The following DSE variants were observed in gnomAD, a reference collection of about 807,000 sequenced individuals.
The protein encoded by DSE is dermatan-sulfate epimerase.
A neutral mutation model predicts 84.4 loss-of-function variants in DSE; 36 were observed. That is an observed-to-expected ratio of 0.43 (90% CI 0.33 to 0.56). The LOEUF (loss-of-function observed/expected upper bound fraction) is 0.56, where lower values mean the gene tolerates loss of function less well. Ranked by LOEUF, DSE falls within the 20% of genes least tolerant of loss-of-function variation. The pLI is 0.06. For missense variants in DSE, 862 were observed against 1,169.6 expected (o/e 0.74, Z 3.84); for synonymous variants, 410 against 430.1 (o/e 0.95, Z 0.58).
chr6:116,352,564 C>T (rs965432410), intron 2 of DSE, among the ~76,000 whole-genome samples: 1 of 152,062 alleles, frequency 6.6e-6, no homozygotes, highest in African/African-American at 2.4e-5. Flanking sequence ...CTGGGTGAGG[C>T]AGAGGTCAGT....
At position 116,440,056 on chromosome 6, in the gene DSE, A is replaced by G. The variant is rs1784379729; in HGVS notation, c.*2711A>G. Reference sequence around the variant, plus strand: ...GAGACCCAGAATTTTCAGAGAGAACATTCTTTTGACAACATTGTTTTAATC... The same window carrying G: ...GAGACCCAGAATTTTCAGAGAGAACGTTCTTTTGACAACATTGTTTTAATC... On this transcript the variant is annotated 3_prime_UTR_variant, in exon 6 of 6. Transcript: ENST00000644252. 1 of 152,038 alleles carries G rather than the reference A, an allele frequency of 6.6e-6. No individual in the cohort carries two copies. Among genetic ancestry groups the G allele is most frequent in the Non-Finnish European group, 1.5e-5 (1 of 68,014 alleles). The allele number at this position is 152,038 out of a possible 1,614,324, so 9.4% of individuals were successfully genotyped here.
chr6:116,355,660 C>T (rs941638965), intron 2 of DSE: 1 of 152,170 alleles, frequency 6.6e-6, no homozygotes, highest in Admixed American at 6.5e-5. Flanking sequence ...CTCAACTAAT[C>T]TGTTAATACT....
intron 2 of DSE, among the ~76,000 whole-genome samples, chr6:116,302,769 T>G (rs1044532540): frequency 2.6e-5 from 4 of 152,192 alleles, no homozygotes; most frequent in Non-Finnish European, 5.9e-5. Context: ...TTTTTTATGG[T>G]TTTAGGTATT....
chr6:116,280,667 G>A (rs954366534), intron 2 of DSE, among the ~76,000 whole-genome samples: 1 of 152,190 alleles, frequency 6.6e-6, no homozygotes, highest in Admixed American at 6.5e-5. Context: ...TTAGCAATCA[G>A]CTGAGTTCAT....
In DSE at chr6:116,439,458, G is replaced by A. The variant is rs1784356646; in HGVS notation, c.*2113G>A. The A allele has an allele frequency of 6.7e-6, 1 of 148,538 alleles. No homozygotes were observed. 9.2% of individuals were successfully genotyped at this position (148,538 alleles called of 1,614,324 possible). On this transcript the variant is annotated 3_prime_UTR_variant, in exon 6 of 6. Transcript: ENST00000644252. ...TTTTTTTTTTCTTCTAATGAACCTG[G>A]TATTTATTTCCTTAAAAAGAAACTT...
Position 116,437,174 on chromosome 6 carries a change from G to C in DSE, c.2706G>C (p.Arg902Ser). The stretch of plus-strand genomic sequence containing the variant: ...CATCACTGTCTGCTTCCTATACCAG[G>C]TTGTTCCTGATTCTGAACATTGCTA... ...RAPSLSASYT[R>S]LFLILNIAIF... is the part of the protein sequence containing the mutation. The change falls in exon 6 of 6, where the codon AGG (arginine) becomes AGC (serine). Residue 902 changes from arginine (R) to serine (S), a missense_variant. By Grantham distance (110) the Arg-to-Ser change is moderately radical. This residue lies in a region of DSE where 315 missense variants were observed against 348.1 expected (regional missense o/e 0.90). Coordinates refer to ENST00000644252, the MANE Select transcript of DSE (RefSeq NM_013352.4). 1 of 1,614,148 alleles carries C rather than the reference G, an allele frequency of 6.2e-7. No individual in the cohort carries two copies. Among genetic ancestry groups the C allele is most frequent in the East Asian group, 2.2e-5 (1 of 44,888 alleles).
chr6:116,278,516 G>T (rs73767711), intron 2 of DSE: 1 of 1,614,002 alleles, frequency 6.2e-7, no homozygotes, highest in East Asian at 2.2e-5. Flanking sequence ...AAGGGCAAAT[G>T]TTAACCAGAC....
intron 2 of DSE, among the ~76,000 whole-genome samples, chr6:116,334,137 G>A (rs1474791191): frequency 1.3e-5 from 2 of 152,058 alleles, no homozygotes; most frequent in African/African-American, 2.4e-5. Flanking sequence ...TATTCTTGAG[G>A]ACAAGTTCTT....
At chr6:116,281,827 G>T (rs1773562191) in intron 2 of DSE, among the ~76,000 whole-genome samples, 1 of 152,198 alleles carries the variant, frequency 6.6e-6, no homozygotes, top group East Asian at 1.9e-4. Flanking sequence ...GGGCATATGG[G>T]TTGTCACTCT....
intron 1 of DSE, among the ~76,000 whole-genome samples, chr6:116,384,485 C>A (rs968637594): frequency 1.3e-5 from 2 of 152,124 alleles, no homozygotes; most frequent in African/African-American, 4.8e-5. Flanking sequence ...TTAGTGGGAG[C>A]TTTGTGCCTT....
chr6:116,294,968 G>A lies in DSE; in HGVS notation c.-54+36001G>A, dbSNP rs553735298. 5.3e-4 allele frequency among the ~76,000 whole-genome samples: 81 copies of A among 152,288 alleles called. 1 individual carries two copies. The highest frequency in any genetic ancestry group is 6.8e-3 in the Middle Eastern group (2 of 294). ...ACTTCCTATAGTAAGTATGATAAGT[G>A]ATGAGGATTTAACGATAAAAGACAC... On this transcript the variant is annotated intron_variant, in intron 2 of 3. Transcript: ENST00000430252.
chr6:116,420,743 TAGAC>T (rs1411324069), intron 2 of DSE, among the ~76,000 whole-genome samples: 3 of 152,236 alleles, frequency 2.0e-5, no homozygotes, highest in African/African-American at 7.2e-5. Flanking sequence ...TTATTTTCTA[TAGAC>T]TGTCTATATC....
At chr6:116,421,048 T>C (rs915275190) in intron 2 of DSE, among the ~76,000 whole-genome samples, 1 of 152,220 alleles carries the variant, frequency 6.6e-6, no homozygotes, top group Non-Finnish European at 1.5e-5. Context: ...TTATGGCTCA[T>C]TCTTCCTTTC....
chr6:116,381,924 G>C (rs1298139458), intron 1 of DSE, among the ~76,000 whole-genome samples: 1 of 152,066 alleles, frequency 6.6e-6, no homozygotes, highest in African/African-American at 2.4e-5. Flanking sequence ...AGGCTATGAA[G>C]GAGAACCTGT....
intron 2 of DSE, among the ~76,000 whole-genome samples, chr6:116,274,922 C>T (rs1450196079): frequency 1.3e-5 from 2 of 152,220 alleles, no homozygotes; most frequent in Non-Finnish European, 2.9e-5. Flanking sequence ...CTCAGGAAGT[C>T]GAGACATGCT....
intron 2 of DSE, among the ~76,000 whole-genome samples, chr6:116,337,372 G>A (rs909727381): frequency 6.6e-6 from 1 of 152,190 alleles, no homozygotes; most frequent in South Asian, 2.1e-4. Flanking sequence ...AGCACTTTGG[G>A]AGGCCGAGGC....
chr6:116,329,363 C>G (rs1267946025), intron 2 of DSE, among the ~76,000 whole-genome samples: 1 of 152,158 alleles, frequency 6.6e-6, no homozygotes, highest in Non-Finnish European at 1.5e-5. Context: ...AAATAATTCA[C>G]AATCATTACA....
chr6:116,333,125 G>A (rs1376794581), intron 2 of DSE, among the ~76,000 whole-genome samples: 1 of 152,110 alleles, frequency 6.6e-6, no homozygotes, highest in Non-Finnish European at 1.5e-5. Flanking sequence ...AATGAAAACG[G>A]AATAGAATTT....
chr6:116,290,805 C>T (rs1018173134), intron 2 of DSE, among the ~76,000 whole-genome samples: 7 of 152,096 alleles, frequency 4.6e-5, no homozygotes, highest in African/African-American at 1.7e-4. Context: ...GAAAGGAATC[C>T]TCTTAACTGC....
Sources: gnomAD v4.1 joint callset for allele counts (sites outside exome capture counted in the v4.1 genomes callset) on GRCh38, gnomAD v4.1.1 for gene constraint, gnomAD v4.1.1 regional missense constraint, MANE v1.5 for transcripts, NCBI Gene and HGNC (gene_info 2026-07-23, HGNC 2026-07-21) for gene names.